SIX1: variants seen among roughly 807,000 people sequenced by gnomAD.
The protein encoded by SIX1 is homeobox protein SIX1.
Under a neutral mutation model 26.5 loss-of-function variants are expected in SIX1, and 11 were observed. The ratio of observed to expected loss-of-function variants is 0.41; its 90% CI spans 0.26 to 0.69. SIX1 has a LOEUF of 0.69. Among genes scored for constraint, SIX1 ranks in the 30% least tolerant of loss-of-function variants. The pLI, the probability that SIX1 is intolerant of heterozygous loss-of-function variation, is 0.28. For missense variants in SIX1, 333 were observed against 365.9 expected, an observed-to-expected ratio of 0.91 and a Z score of 0.73; for synonymous variants, 177 against 166.2, an observed-to-expected ratio of 1.06 and a Z score of -0.50.
rs1276826884 is a variant in SIX1, at chr14:60,648,526, C to T, written c.560+104G>A. ...CGCCGCCCCGTGGACGGGCTCCGGC[C>T]GGCGGGGAGGACTTGGTGGCTGGTG... On this transcript the variant is annotated intron_variant, in intron 1 of 1. Transcript: ENST00000645694. This position sits in a 1 kb window ranked among gnomAD's most constrained non-coding sequence, Gnocchi z 7.9. 3 of 1,200,064 alleles carry T rather than the reference C, an allele frequency of 2.5e-6. No homozygotes were observed. Among genetic ancestry groups the T allele is most frequent in the East Asian group, 2.6e-5 (1 of 39,080 alleles). The allele number at this position is 1,200,064 out of a possible 1,614,324, so 74.3% of individuals were successfully genotyped here.
chr14:60,648,620 C>G lies in SIX1; in HGVS notation c.560+10G>C. On this transcript the variant is annotated intron_variant, in intron 1 of 1. Coordinates refer to ENST00000645694, the MANE Select transcript of SIX1 (RefSeq NM_005982.4). The surrounding 1 kb of genome is among the most constrained non-coding windows in gnomAD (Gnocchi z 7.9). ...AGGGTCGCCCGAGTCGCGGGAAGCA[C>G]GCCGCGTACCTTTCCTTGGCCTCCG... is the stretch of plus-strand genomic sequence containing the variant. 1 of 1,606,748 alleles carries G rather than the reference C, an allele frequency of 6.2e-7. No homozygotes were observed. Among genetic ancestry groups the G allele is most frequent in the Non-Finnish European group, 8.5e-7 (1 of 1,176,422 alleles).
Position 60,646,233 on chromosome 14 carries a change from G to A in SIX1, c.*50C>T, listed in dbSNP as rs757953542. On this transcript the variant is annotated 3_prime_UTR_variant, in exon 2 of 2. Transcript: ENST00000645694. ...CTATTTACAAGTGTCCCTAGTCGCT[G>A]CAGTGGTTGCTGCTCCAGGAATCCC... 1.9e-6 allele frequency: 3 copies of A among 1,569,772 alleles called. No homozygotes were observed. The highest frequency in any genetic ancestry group is 2.6e-6 in the Non-Finnish European group (3 of 1,145,906).
In SIX1 at chr14:60,649,336, T is replaced by C; in HGVS notation, c.-147A>G. 1 of 680,240 alleles carries C rather than the reference T, an allele frequency of 1.5e-6. No individual in the cohort carries two copies. Among genetic ancestry groups the C allele is most frequent in the Non-Finnish European group, 2.5e-6 (1 of 407,676 alleles). The allele number at this position is 680,240 out of a possible 1,614,324, so 42.1% of individuals were successfully genotyped here. A position where few individuals can be genotyped will look rare whatever the true frequency, so the allele number is the denominator to read the frequency against. On this transcript the variant is annotated 5_prime_UTR_variant, in exon 1 of 2. Transcript: ENST00000645694. The surrounding 1 kb of genome is among the most constrained non-coding windows in gnomAD (Gnocchi z 5.1). ...CAAAGGCGAAAACCGGAGTCGGAACTTGGCGGTGGGCGGCCAAGGAAGAGA... is the reference window on the plus strand; with the variant it reads ...CAAAGGCGAAAACCGGAGTCGGAACCTGGCGGTGGGCGGCCAAGGAAGAGA...
chr14:60,646,620 A>G, intron 1 of SIX1, 43 bp from the exon 2 acceptor site: 7 of 1,494,964 alleles, frequency 4.7e-6, no homozygotes, highest in Non-Finnish European at 6.3e-6. Flanking sequence ...AAAAAAAAAA[A>G]AAAAAAAAAA....
At position 60,649,037 on chromosome 14, in the gene SIX1, C is replaced by G; in HGVS notation, c.153G>C (p.Lys51Asn). 1 of 1,613,998 alleles carries G rather than the reference C, an allele frequency of 6.2e-7. No individual in the cohort carries two copies. Among genetic ancestry groups the G allele is most frequent in the Non-Finnish European group, 8.5e-7 (1 of 1,180,030 alleles). The change falls in exon 1 of 2, where the codon AAG becomes AAC. Residue 51 changes from lysine (K) to asparagine (N), a missense_variant. Lys to Asn is a moderately conservative substitution (Grantham distance 94). Transcript: ENST00000645694. The surrounding 1 kb of genome is among the most constrained non-coding windows in gnomAD (Gnocchi z 5.1). Reference protein sequence around the residue: ...DHLHKNESVLKAKAVVAFHRG... With the variant: ...DHLHKNESVLNAKAVVAFHRG... ...GGTGGAAGGCGACCACCGCCTTGGC[C>G]TTGAGTACGCTCTCGTTCTTGTGCA...
At position 60,646,223 on chromosome 14, in the gene SIX1, C is replaced by G; in HGVS notation, c.*60G>C. ...TTCCTGATTTCTATTTACAAGTGTC[C>G]CTAGTCGCTGCAGTGGTTGCTGCTC... is the stretch of plus-strand genomic sequence containing the variant. On this transcript the variant is annotated 3_prime_UTR_variant, in exon 2 of 2. Transcript: ENST00000645694. The G allele has an allele frequency of 6.6e-7, 1 of 1,521,496 alleles. No homozygotes were observed. Among genetic ancestry groups the G allele is most frequent in the Non-Finnish European group, 9.0e-7 (1 of 1,109,368 alleles). 94.2% of individuals were successfully genotyped at this position (1,521,496 alleles called of 1,614,324 possible).
At position 60,646,308 on chromosome 14, in the gene SIX1, G is replaced by C. The variant is rs1894939036; in HGVS notation, c.830C>G (p.Ser277Cys). ...LQDSLLGPLT[S>C]SLVDLGS ...TTAGGACCCCAAGTCCACCAGACTGGAGGTGAGGGGGCCGAGCAGAGAGTC... is the reference window on the plus strand; with the variant it reads ...TTAGGACCCCAAGTCCACCAGACTGCAGGTGAGGGGGCCGAGCAGAGAGTC... The change falls in exon 2 of 2, where the codon TCC becomes TGC. Residue 277 changes from serine (S) to cysteine (C), a missense_variant. This residue lies in a region of SIX1 where 199 missense variants were observed against 215.2 expected (regional missense o/e 0.92). Coordinates refer to ENST00000645694, the MANE Select transcript of SIX1 (RefSeq NM_005982.4). The C allele has an allele frequency of 1.9e-6, 3 of 1,613,434 alleles. No homozygotes were observed. Among genetic ancestry groups the C allele is most frequent in the Non-Finnish European group, 2.5e-6 (3 of 1,179,714 alleles).
chr14:60,647,712 T>G lies in SIX1; in HGVS notation c.560+918A>C, dbSNP rs777176292. 2.8e-4 allele frequency among the ~76,000 whole-genome samples: 43 copies of G among 151,642 alleles called. No homozygotes were observed. Among genetic ancestry groups the G allele is most frequent in the Admixed American group, 5.2e-4 (8 of 15,244 alleles). The stretch of plus-strand genomic sequence containing the variant: ...CCTGCGCTCAGGTTTTCCCCCAAAC[T>G]CTTTGGCTTCGCGGAGCGCTCTCCC... On this transcript the variant is annotated intron_variant, in intron 1 of 1. Transcript: ENST00000645694. This position sits in a 1 kb window ranked among gnomAD's most constrained non-coding sequence, Gnocchi z 5.1.
chr14:60,647,725 G>A lies in SIX1; in HGVS notation c.560+905C>T, dbSNP rs1489487484. 6.6e-6 allele frequency among the ~76,000 whole-genome samples: 1 copy of A among 152,100 alleles called. No homozygotes were observed. The highest frequency in any genetic ancestry group is 2.4e-5 in the African/African-American group (1 of 41,410). ...TTTCCCCCAAACTCTTTGGCTTCGC[G>A]GAGCGCTCTCCCCGCCACAGCCACC... On this transcript the variant is annotated intron_variant, in intron 1 of 1. Coordinates refer to ENST00000645694, the MANE Select transcript of SIX1 (RefSeq NM_005982.4). This position sits in a 1 kb window ranked among gnomAD's most constrained non-coding sequence, Gnocchi z 5.1.
chr14:60,647,188 G>T lies in SIX1; in HGVS notation c.561-611C>A, dbSNP rs559555038. Among the ~76,000 whole-genome samples, 1 of 152,234 alleles carries T rather than the reference G, an allele frequency of 6.6e-6. No homozygotes were observed. The highest frequency in any genetic ancestry group is 1.5e-5 in the Non-Finnish European group (1 of 68,038). On this transcript the variant is annotated intron_variant, in intron 1 of 1. Coordinates refer to ENST00000645694, the MANE Select transcript of SIX1 (RefSeq NM_005982.4). This position sits in a 1 kb window ranked among gnomAD's most constrained non-coding sequence, Gnocchi z 5.1. ...AGTGACCTGAGTAAACACAGGGAGC[G>T]CAGCCAGTCTCTGATTTCATCTGGA...
In SIX1 at chr14:60,648,971, G is replaced by A; in HGVS notation, c.219C>T (p.His73=). Residue 73 remains histidine, a synonymous_variant, in exon 1 of 2, where the codon CAC becomes CAT. Coordinates refer to ENST00000645694, the MANE Select transcript of SIX1 (RefSeq NM_005982.4). The surrounding 1 kb of genome is among the most constrained non-coding windows in gnomAD (Gnocchi z 7.9). The part of the protein sequence containing the change: ...FRELYKILES[H]QFSPHNHPKL... ...TGGGGTGGTTGTGAGGCGAGAACTG[G>A]TGGCTCTCCAGGATCTTGTAGAGCT... The A allele has an allele frequency of 6.2e-7, 1 of 1,614,190 alleles. No individual in the cohort carries two copies. The highest frequency in any genetic ancestry group is 8.5e-7 in the Non-Finnish European group (1 of 1,180,026).
Position 60,649,105 on chromosome 14 carries a change from G to C in SIX1, c.85C>G (p.Arg29Gly). ...AGTGACCACAGGAACCTGCCCAGGC[G>C]CTCCAGGTTTCCGCCTTGCTGCAGA... ...EVLQQGGNLE[R>G]LGRFLWSLPA... Residue 29 changes from arginine to glycine, a missense_variant, in exon 1 of 2, where the codon CGC (arginine) becomes GGC (glycine). Arg to Gly is a moderately radical substitution (Grantham distance 125). This residue lies in a region of SIX1 where 133 missense variants were observed against 131.8 expected (regional missense o/e 1.01). Transcript: ENST00000645694. This position sits in a 1 kb window ranked among gnomAD's most constrained non-coding sequence, Gnocchi z 5.1. The C allele has an allele frequency of 6.2e-7, 1 of 1,613,282 alleles. No homozygotes were observed. Among genetic ancestry groups the C allele is most frequent in the South Asian group, 1.1e-5 (1 of 91,052 alleles).
rs34899649 is a variant in SIX1 at position 60,646,607 on chromosome 14, TAAAAA to T, written c.561-35_561-31del. Reference sequence around the variant, plus strand: ...GAAATAGAGGACAACACCATATGGTTAAAAAAAAAAAAAAAAAAAAAAAGTAGGTT... The same window carrying T: ...GAAATAGAGGACAACACCATATGGTTAAAAAAAAAAAAAAAAAAGTAGGTT... On this transcript the variant is annotated intron_variant, in intron 1 of 1. Transcript: ENST00000645694. 7.4e-3 allele frequency: 6,059 copies of T among 822,074 alleles called. 2 individuals carry two copies. The highest frequency in any genetic ancestry group is 0.017 in the South Asian group (851 of 50,480). 50.9% of individuals were successfully genotyped at this position (822,074 alleles called of 1,614,324 possible).
chr14:60,649,394 A>G lies in SIX1; in HGVS notation c.-205T>C. On this transcript the variant is annotated 5_prime_UTR_variant, in exon 1 of 2. Coordinates refer to ENST00000645694, the MANE Select transcript of SIX1 (RefSeq NM_005982.4). This position sits in a 1 kb window ranked among gnomAD's most constrained non-coding sequence, Gnocchi z 5.1. ...GGAGTAGGGGAGGTTCTGGACACGG[A>G]ACGGCCGGCGCACTCAGTAGCCTTT... The G allele has an allele frequency of 1.7e-6, 1 of 579,008 alleles. No individual in the cohort carries two copies. Among genetic ancestry groups the G allele is most frequent in the South Asian group, 2.1e-5 (1 of 47,964 alleles). 35.9% of individuals were successfully genotyped at this position (579,008 alleles called of 1,614,324 possible). A position where few individuals can be genotyped will look rare whatever the true frequency, so the allele number is the denominator to read the frequency against.
chr14:60,647,381 A>T lies in SIX1; in HGVS notation c.561-804T>A, dbSNP rs1305065966. On this transcript the variant is annotated intron_variant, in intron 1 of 1. Coordinates refer to ENST00000645694, the MANE Select transcript of SIX1 (RefSeq NM_005982.4). This position sits in a 1 kb window ranked among gnomAD's most constrained non-coding sequence, Gnocchi z 5.1. Reference sequence around the variant, plus strand: ...AACCCATCCTTTCTGGGCAGGGGAAACTTCGCCGCCCCGCACAGGCTGCCA... The same window carrying T: ...AACCCATCCTTTCTGGGCAGGGGAATCTTCGCCGCCCCGCACAGGCTGCCA... Among the ~76,000 whole-genome samples the T allele has an allele frequency of 1.3e-5, 2 of 152,144 alleles. No homozygotes were observed. Among genetic ancestry groups the T allele is most frequent in the Non-Finnish European group, 2.9e-5 (2 of 68,000 alleles).
rs1894967368 is a variant in SIX1, at chr14:60,647,413, G to A, written c.561-836C>T. Among the ~76,000 whole-genome samples, 1 of 152,220 alleles carries A rather than the reference G, an allele frequency of 6.6e-6. No homozygotes were observed. The highest frequency in any genetic ancestry group is 1.5e-5 in the Non-Finnish European group (1 of 68,040). ...CGCCCCGCACAGGCTGCCAGCGGGCGCGGCGCGCTGGGGCGTCAGTCCGGG... is the reference window on the plus strand; with the variant it reads ...CGCCCCGCACAGGCTGCCAGCGGGCACGGCGCGCTGGGGCGTCAGTCCGGG... On this transcript the variant is annotated intron_variant, in intron 1 of 1. Transcript: ENST00000645694. This position sits in a 1 kb window ranked among gnomAD's most constrained non-coding sequence, Gnocchi z 5.1.
Position 60,647,414 on chromosome 14 carries a change from C to G in SIX1, c.561-837G>C, listed in dbSNP as rs1410784401. On this transcript the variant is annotated intron_variant, in intron 1 of 1. Transcript: ENST00000645694. The surrounding 1 kb of genome is among the most constrained non-coding windows in gnomAD (Gnocchi z 5.1). The stretch of plus-strand genomic sequence containing the variant: ...GCCCCGCACAGGCTGCCAGCGGGCG[C>G]GGCGCGCTGGGGCGTCAGTCCGGGC... 1.3e-5 allele frequency among the ~76,000 whole-genome samples: 2 copies of G among 152,208 alleles called. No individual in the cohort carries two copies. Among genetic ancestry groups the G allele is most frequent in the Non-Finnish European group, 2.9e-5 (2 of 68,024 alleles).
At position 60,645,038 on chromosome 14, in the gene SIX1, T is replaced by C. The variant is rs1894915520; in HGVS notation, c.*1245A>G. ...TATGAATGCTGTGAAGAGATAGTGG[T>C]AAACAAAATTGCATATCTAAATAAT... is the stretch of plus-strand genomic sequence containing the variant. On this transcript the variant is annotated 3_prime_UTR_variant, in exon 2 of 2. Transcript: ENST00000645694. This position sits in a 1 kb window ranked among gnomAD's most constrained non-coding sequence, Gnocchi z 4.6. 1 of 152,202 alleles carries C rather than the reference T, an allele frequency of 6.6e-6. No homozygotes were observed. The highest frequency in any genetic ancestry group is 2.1e-4 in the South Asian group (1 of 4,830). The allele number at this position is 152,202 out of a possible 1,614,324, so 9.4% of individuals were successfully genotyped here.
At position 60,648,471 on chromosome 14, in the gene SIX1, C is replaced by A. The variant is rs1894992196; in HGVS notation, c.560+159G>T. Among the ~76,000 whole-genome samples, 1 of 152,230 alleles carries A rather than the reference C, an allele frequency of 6.6e-6. No individual in the cohort carries two copies. Among genetic ancestry groups the A allele is most frequent in the Non-Finnish European group, 1.5e-5 (1 of 68,042 alleles). On this transcript the variant is annotated intron_variant, in intron 1 of 1. Coordinates refer to ENST00000645694, the MANE Select transcript of SIX1 (RefSeq NM_005982.4). This position sits in a 1 kb window ranked among gnomAD's most constrained non-coding sequence, Gnocchi z 7.9. ...AGCAAGGAACCTCAGAGTTCATGAA[C>A]TTTCGCTGCAGCGCCGCGGAGGGCC...
Sources: allele counts gnomAD v4.1 joint callset (sites outside exome capture counted in the v4.1 genomes callset), GRCh38; gene constraint gnomAD v4.1.1; regional missense constraint gnomAD v4.1.1; non-coding constraint Gnocchi (gnomAD v3.1); transcripts MANE v1.5; gene names NCBI Gene and HGNC (gene_info 2026-07-23, HGNC 2026-07-21).